Variants in TENT4B observed in about 807,000 individuals in gnomAD.
TENT4B encodes PAP associated domain containing 5.
Under a neutral mutation model 75.0 loss-of-function variants are expected in TENT4B, and 10 were observed. The ratio of observed to expected loss-of-function variants is 0.13; its 90% CI spans 0.08 to 0.23. TENT4B has a LOEUF of 0.23. Among genes scored for constraint, TENT4B ranks in the 10% least tolerant of loss-of-function variants. The probability of loss-of-function intolerance (pLI) is 1.00; values close to 1 mark genes in which losing one functional copy is unlikely to be tolerated. For missense variants in TENT4B, 579 were observed against 893.8 expected (o/e 0.65, Z 4.49); for synonymous variants, 350 against 357.7 (o/e 0.98, Z 0.24).
Position 50,232,254 on chromosome 16 carries a change from T to C in TENT4B, c.*2926T>C. 1 of 985,470 alleles carries C rather than the reference T, an allele frequency of 1.0e-6. No individual in the cohort carries two copies. The highest frequency in any genetic ancestry group is 1.7e-5 in the African/African-American group (1 of 57,372). The allele number at this position is 985,470 out of a possible 1,614,324, so 61.0% of individuals were successfully genotyped here. ...TTTGTTTGGTTTGGAGATGTCGCAC[T>C]CAGTTTTCAAATCTAGCTTGGATCT... On this transcript the variant is annotated 3_prime_UTR_variant, in exon 12 of 12. Transcript: ENST00000561678.
At chr16:50,208,634 A>C (rs1011252536) in intron 1 of TENT4B, among the ~76,000 whole-genome samples, 1 of 152,156 alleles carries the variant, frequency 6.6e-6, no homozygotes, top group African/African-American at 2.4e-5. Flanking sequence ...GTTCCTTTTC[A>C]TTGTTAGATG....
intron 1 of TENT4B, among the ~76,000 whole-genome samples, chr16:50,202,852 A>T (rs1478873292): frequency 2.6e-5 from 4 of 152,206 alleles, no homozygotes. Flanking sequence ...CTCTTTTCAT[A>T]GCAGCAAAGT....
rs778533266 is a variant in TENT4B at position 50,232,247 on chromosome 16, G to T, written c.*2919G>T. 9.6e-5 allele frequency: 95 copies of T among 985,254 alleles called. No individual in the cohort carries two copies. The highest frequency in any genetic ancestry group is 1.1e-4 in the Non-Finnish European group (92 of 829,934). 61.0% of individuals were successfully genotyped at this position (985,254 alleles called of 1,614,324 possible). A position where few individuals can be genotyped will look rare whatever the true frequency, so the allele number is the denominator to read the frequency against. ...GAATGTCTTTGTTTGGTTTGGAGAT[G>T]TCGCACTCAGTTTTCAAATCTAGCT... On this transcript the variant is annotated 3_prime_UTR_variant, in exon 12 of 12. Transcript: ENST00000561678.
In TENT4B at chr16:50,231,534, T is replaced by C; in HGVS notation, c.*2206T>C. ...TGTACTCTTAGGGTGCGAATATTAG[T>C]GTTCCAATAAGCATGTGATTATATT... On this transcript the variant is annotated 3_prime_UTR_variant, in exon 12 of 12. Transcript: ENST00000561678. 1 of 985,852 alleles carries C rather than the reference T, an allele frequency of 1.0e-6. No individual in the cohort carries two copies. The highest frequency in any genetic ancestry group is 1.2e-6 in the Non-Finnish European group (1 of 829,914). 61.1% of individuals were successfully genotyped at this position (985,852 alleles called of 1,614,324 possible).
chr16:50,192,604 G>T, intron 1 of TENT4B, among the ~76,000 whole-genome samples: 1 of 152,140 alleles, frequency 6.6e-6, no homozygotes, highest in Non-Finnish European at 1.5e-5. Context: ...TTCCTGTAAA[G>T]ATAGTTGTTT....
At chr16:50,170,570 C>T (rs375968065) in intron 1 of TENT4B, among the ~76,000 whole-genome samples, 6 of 152,308 alleles carry the variant, frequency 3.9e-5, no homozygotes, top group African/African-American at 1.4e-4. Flanking sequence ...GAAGATGAGC[C>T]GCACTCAGCC....
chr16:50,196,480 T>TTTAACA (rs2030253685), intron 1 of TENT4B, among the ~76,000 whole-genome samples: 1 of 117,714 alleles, frequency 8.5e-6, no homozygotes, highest in Admixed American at 9.9e-5. Flanking sequence ...TAGCTTTTAG[T>TTTAACA]TTATCATTAT....
At chr16:50,154,358 C>A (rs529555826) in intron 1 of TENT4B, 99 bp downstream of exon 1, 1 of 1,341,520 alleles carries the variant, frequency 7.5e-7, no homozygotes, top group African/African-American at 1.5e-5. Context: ...GAGCGGCCAC[C>A]CCCACGGCCT....
Position 50,231,051 on chromosome 16 carries a change from G to A in TENT4B, c.*1723G>A, listed in dbSNP as rs2032277808. 1 of 982,776 alleles carries A rather than the reference G, an allele frequency of 1.0e-6. No individual in the cohort carries two copies. The highest frequency in any genetic ancestry group is 1.2e-6 in the Non-Finnish European group (1 of 827,166). 60.9% of individuals were successfully genotyped at this position (982,776 alleles called of 1,614,324 possible). On this transcript the variant is annotated 3_prime_UTR_variant, in exon 12 of 12. Transcript: ENST00000561678. ...TATAAAGAAAATAATGCTAAAGTAA[G>A]ACCAAAACTGATGTCATCACTGAAA...
At chr16:50,196,885 A>G (rs904372376) in intron 1 of TENT4B, among the ~76,000 whole-genome samples, 1 of 151,896 alleles carries the variant, frequency 6.6e-6, no homozygotes, top group East Asian at 1.9e-4. Flanking sequence ...GCAGTGAGCT[A>G]TGGTTGTGCC....
Position 50,222,314 on chromosome 16 carries a change from T to C in TENT4B, c.1047T>C (p.Pro349=). The C allele has an allele frequency of 6.3e-7, 1 of 1,594,818 alleles. No individual in the cohort carries two copies. Among genetic ancestry groups the C allele is most frequent in the African/African-American group, 1.3e-5 (1 of 74,800 alleles). ...DLIKDFTKKY[P]VLPYLVLVLK... ...ACAATTTTCTTTTTCAGAAATATCC[T>C]GTATTGCCATACTTGGTTTTAGTAT... is the stretch of plus-strand genomic sequence containing the variant. Residue 349 remains proline, a synonymous_variant, in exon 6 of 12, where the codon CCT becomes CCC. Transcript: ENST00000561678.
intron 1 of TENT4B, among the ~76,000 whole-genome samples, chr16:50,159,469 A>G (rs922859196): frequency 6.6e-6 from 1 of 151,980 alleles, no homozygotes; most frequent in Non-Finnish European, 1.5e-5. Context: ...CAAACTCCCA[A>G]CATCAGGTGA....
intron 11 of TENT4B, 29 bp downstream of exon 11, chr16:50,228,032 A>C (rs1271728619): frequency 6.3e-7 from 1 of 1,597,086 alleles, no homozygotes; most frequent in Non-Finnish European, 8.5e-7. Flanking sequence ...TTTAATTGTT[A>C]GTATTTGATA....
intron 1 of TENT4B, among the ~76,000 whole-genome samples, chr16:50,190,527 A>G (rs2038620262): frequency 6.6e-6 from 1 of 152,052 alleles, no homozygotes; most frequent in African/African-American, 2.4e-5. Context: ...TATTTTATAT[A>G]AATGGAATCA....
At chr16:50,198,523 T>C (rs1161366202) in intron 1 of TENT4B, among the ~76,000 whole-genome samples, 1 of 151,054 alleles carries the variant, frequency 6.6e-6, no homozygotes, top group Non-Finnish European at 1.5e-5. Flanking sequence ...GCCAGAAAAG[T>C]GAAGAAAATA....
chr16:50,224,569 G>A (rs902745622), intron 7 of TENT4B, 88 bp from the exon 8 acceptor site: 4 of 1,525,030 alleles, frequency 2.6e-6, no homozygotes, highest in Non-Finnish European at 3.6e-6. Context: ...GATAACTATG[G>A]CCCTTGCTCT....
In TENT4B at chr16:50,233,583, T is replaced by G; in HGVS notation, c.*4255T>G. The G allele has an allele frequency of 1.0e-6, 1 of 984,186 alleles. No homozygotes were observed. The highest frequency in any genetic ancestry group is 1.2e-6 in the Non-Finnish European group (1 of 828,780). The allele number at this position is 984,186 out of a possible 1,614,324, so 61.0% of individuals were successfully genotyped here. ...AAAATTATTAACCAGAAAAATTGCT[T>G]ATAAAGGCTGCTGATCTATTTGATA... On this transcript the variant is annotated 3_prime_UTR_variant, in exon 12 of 12. Coordinates refer to ENST00000561678, the MANE Select transcript of TENT4B (RefSeq NM_001365324.3).
chr16:50,231,960 C>A lies in TENT4B; in HGVS notation c.*2632C>A. 1 of 982,560 alleles carries A rather than the reference C, an allele frequency of 1.0e-6. No homozygotes were observed. Among genetic ancestry groups the A allele is most frequent in the Non-Finnish European group, 1.2e-6 (1 of 827,364 alleles). 60.9% of individuals were successfully genotyped at this position (982,560 alleles called of 1,614,324 possible). A position where few individuals can be genotyped will look rare whatever the true frequency, so the allele number is the denominator to read the frequency against. On this transcript the variant is annotated 3_prime_UTR_variant, in exon 12 of 12. Transcript: ENST00000561678. The stretch of plus-strand genomic sequence containing the variant: ...TGTCATTTATATATTAGAGTCCATT[C>A]ATATCCATGAATCATAACCTTCCTT...
At position 50,153,315 on chromosome 16, in the gene TENT4B, AGCCGCC is replaced by A. The variant is rs1023664305; in HGVS notation, c.-291_-286del. On this transcript the variant is annotated 5_prime_UTR_variant, in exon 1 of 12. Coordinates refer to ENST00000561678, the MANE Select transcript of TENT4B (RefSeq NM_001365324.3). ...GCCGCCGCCGCTCGCTCTTCTGTGG[AGCCGCC>A]GCCGCCGCCGCCGCCATTTGCACGG... 5.2e-5 allele frequency among the ~76,000 whole-genome samples: 7 copies of A among 135,848 alleles called. No individual in the cohort carries two copies. Among genetic ancestry groups the A allele is most frequent in the Non-Finnish European group, 7.9e-5 (5 of 63,340 alleles). 89.1% of individuals were successfully genotyped at this position (135,848 alleles called of 152,430 possible).
Sources: gnomAD v4.1 joint callset for allele counts (sites outside exome capture counted in the v4.1 genomes callset) on GRCh38, gnomAD v4.1.1 for gene constraint, MANE v1.5 for transcripts, NCBI Gene and HGNC (gene_info 2026-07-23, HGNC 2026-07-21) for gene names.